Variants in DSCAM observed in about 807,000 individuals in gnomAD.
DSCAM encodes the protein cell adhesion molecule DSCAM.
Under a neutral mutation model 217.7 loss-of-function variants are expected in DSCAM, and 47 were observed. That is an observed-to-expected ratio of 0.22 (90% CI 0.17 to 0.28). The LOEUF is 0.28. Among genes scored for constraint, DSCAM ranks in the 10% least tolerant of loss-of-function variants. The pLI, the probability that DSCAM is intolerant of heterozygous loss-of-function variation, is 1.00. For missense variants in DSCAM, 2,080 were observed against 2,618.3 expected, an observed-to-expected ratio of 0.79 and a Z score of 4.49; for synonymous variants, 1,056 against 1,015.3, an observed-to-expected ratio of 1.04 and a Z score of -0.76.
At chr21:40,419,547 A>G (rs2075403440) in intron 3 of DSCAM, among the ~76,000 whole-genome samples, 1 of 152,168 alleles carries the variant, frequency 6.6e-6, no homozygotes, top group Non-Finnish European at 1.5e-5. Flanking sequence ...ATACCCAGCC[A>G]TCTTATCTTT....
chr21:40,126,325 A>C (rs919490257), intron 19 of DSCAM, among the ~76,000 whole-genome samples: 1 of 152,110 alleles, frequency 6.6e-6, no homozygotes, highest in Admixed American at 6.6e-5. Context: ...GGAAAGAAGG[A>C]TAAAAAAGAA....
chr21:40,549,801 G>T (rs2076614923), intron 3 of DSCAM, among the ~76,000 whole-genome samples: 1 of 152,210 alleles, frequency 6.6e-6, no homozygotes, highest in Non-Finnish European at 1.5e-5. Flanking sequence ...TGGTGGTGAT[G>T]AACAAACCTC....
intron 3 of DSCAM, among the ~76,000 whole-genome samples, chr21:40,671,794 T>C (rs990775557): frequency 2.0e-5 from 3 of 150,388 alleles, no homozygotes; most frequent in East Asian, 1.9e-4. Flanking sequence ...CGTATGGAAA[T>C]TGAATGACCA....
intron 11 of DSCAM, among the ~76,000 whole-genome samples, chr21:40,225,835 C>G (rs1360310167): frequency 6.6e-6 from 1 of 152,116 alleles, no homozygotes; most frequent in Non-Finnish European, 1.5e-5. Context: ...AGAAAGTCCC[C>G]CTGTCCTCCA....
intron 11 of DSCAM, among the ~76,000 whole-genome samples, chr21:40,252,186 G>C (rs2073313940): frequency 6.6e-6 from 1 of 152,204 alleles, no homozygotes; most frequent in African/African-American, 2.4e-5. Flanking sequence ...GAACATAAGT[G>C]TATGCCATTT....
Position 40,692,867 on chromosome 21 carries a change from C to G in DSCAM, c.451G>C (p.Val151Leu), listed in dbSNP as rs1446196210. The G allele has an allele frequency of 6.2e-7, 1 of 1,614,034 alleles. No individual in the cohort carries two copies. The highest frequency in any genetic ancestry group is 8.5e-7 in the Non-Finnish European group (1 of 1,179,942). ...AVFKCIIPSS[V>L]EAYITVVSWE... ...GAGACGACAGTGATGTACGCCTCCA[C>G]CGAGGAGGGGATAATGCACTTGAAG... Residue 151 changes from valine to leucine, a missense_variant, in exon 3 of 33, where the codon GTG (valine) becomes CTG (leucine). This residue lies in a region of DSCAM where 568 missense variants were observed against 678.1 expected (regional missense o/e 0.84). Coordinates refer to ENST00000400454, the MANE Select transcript of DSCAM (RefSeq NM_001389.5).
Position 40,055,592 on chromosome 21 carries a change from ACCTTCTAGCTTTGGTACTCACGTAG to A in DSCAM, c.5035+108_5035+132del. 8 of 659,168 alleles carry A rather than the reference ACCTTCTAGCTTTGGTACTCACGTAG, an allele frequency of 1.2e-5. No homozygotes were observed. In the East Asian group the frequency reaches 1.8e-4, roughly 15 times the overall value. 40.8% of individuals were successfully genotyped at this position (659,168 alleles called of 1,614,324 possible). Reference sequence around the variant, plus strand: ...TTCTTCTTCACAAGAACAATTCTCTACCTTCTAGCTTTGGTACTCACGTAGCCTTCAAGACGCTCTCCTGTCTAAT... The same window carrying A: ...TTCTTCTTCACAAGAACAATTCTCTACCTTCAAGACGCTCTCCTGTCTAAT... On this transcript the variant is annotated intron_variant, in intron 29 of 32. Transcript: ENST00000400454.
intron 16 of DSCAM, among the ~76,000 whole-genome samples, chr21:40,149,859 C>T (rs2090405081): frequency 6.6e-6 from 1 of 150,780 alleles, no homozygotes; most frequent in Non-Finnish European, 1.5e-5. Context: ...TCCATCACTC[C>T]ATCACAATCC....
In DSCAM at chr21:40,498,646, AGT is replaced by A. The variant is rs56375309; in HGVS notation, c.509-129403_509-129402del. Among the ~76,000 whole-genome samples the A allele has an allele frequency of 1.7e-4, 18 of 106,558 alleles. 1 individual carries two copies. The highest frequency in any genetic ancestry group is 3.2e-4 in the African/African-American group (10 of 31,376). 69.9% of individuals were successfully genotyped at this position (106,558 alleles called of 152,430 possible). On this transcript the variant is annotated intron_variant, in intron 3 of 32. Transcript: ENST00000400454. ...ATGCACTATGTATATATATATATAT[AGT>A]GTGTGTGTATATATATACCCATATA...
chr21:40,276,343 A>T, intron 10 of DSCAM, 73 bp from the exon 11 acceptor site: 2 of 1,394,654 alleles, frequency 1.4e-6, no homozygotes, highest in Non-Finnish European at 1.9e-6. Flanking sequence ...GTTCAAGTAC[A>T]CACAGACTCA....
At chr21:40,560,323 G>A (rs1427643078) in intron 3 of DSCAM, among the ~76,000 whole-genome samples, 1 of 152,150 alleles carries the variant, frequency 6.6e-6, no homozygotes, top group Admixed American at 6.5e-5. Flanking sequence ...CAGTCAGGTA[G>A]GCAGGTGGCT....
At chr21:40,124,490 C>G (rs1022563443) in intron 19 of DSCAM, among the ~76,000 whole-genome samples, 162 bp from the exon 20 acceptor site, 5 of 152,096 alleles carry the variant, frequency 3.3e-5, no homozygotes, top group South Asian at 2.1e-4. Context: ...GAAGTCCTAA[C>G]CCCCAGGACC....
At chr21:40,805,176 A>G (rs769288710) in intron 1 of DSCAM, among the ~76,000 whole-genome samples, 5 of 152,216 alleles carry the variant, frequency 3.3e-5, no homozygotes, top group Admixed American at 6.5e-5. Flanking sequence ...GATCACACAG[A>G]TGACTGCCCA....
At chr21:40,820,526 A>G (rs1046495556) in intron 1 of DSCAM, among the ~76,000 whole-genome samples, 2 of 152,220 alleles carry the variant, frequency 1.3e-5, no homozygotes, top group African/African-American at 2.4e-5. Flanking sequence ...CTTACAACCT[A>G]GATGACAGGT....
intron 11 of DSCAM, among the ~76,000 whole-genome samples, chr21:40,208,843 A>C (rs1933065159): frequency 1.3e-5 from 2 of 152,122 alleles, no homozygotes; most frequent in African/African-American, 4.8e-5. Flanking sequence ...TTCATTTAAA[A>C]ATCTAAAACA....
chr21:40,519,548 G>C (rs2076342047), intron 3 of DSCAM, among the ~76,000 whole-genome samples: 1 of 152,116 alleles, frequency 6.6e-6, no homozygotes, highest in Non-Finnish European at 1.5e-5. Context: ...ACCAGGGAGT[G>C]GGTCCTCAAC....
At chr21:40,411,371 G>C (rs1462433065) in intron 3 of DSCAM, among the ~76,000 whole-genome samples, 2 of 152,090 alleles carry the variant, frequency 1.3e-5, no homozygotes, top group Non-Finnish European at 2.9e-5. Flanking sequence ...GGGAAAGATA[G>C]AACAAAGGAT....
intron 11 of DSCAM, among the ~76,000 whole-genome samples, chr21:40,261,603 T>C (rs971440792): frequency 6.6e-6 from 1 of 151,556 alleles, no homozygotes; most frequent in African/African-American, 2.4e-5. Flanking sequence ...TTAGCATCCA[T>C]AATCATGTGG....
intron 3 of DSCAM, among the ~76,000 whole-genome samples, chr21:40,523,871 G>A (rs965661263): frequency 2.0e-5 from 3 of 152,108 alleles, no homozygotes; most frequent in Non-Finnish European, 2.9e-5. Flanking sequence ...CCATGGGGTC[G>A]GAGTCACCAC....
Sources: allele counts gnomAD v4.1 joint callset (sites outside exome capture counted in the v4.1 genomes callset), GRCh38; gene constraint gnomAD v4.1.1; regional missense constraint gnomAD v4.1.1; transcripts MANE v1.5; gene names NCBI Gene and HGNC (gene_info 2026-07-23, HGNC 2026-07-21).